Variants in CALD1 observed in about 807,000 individuals in gnomAD.
CALD1 encodes caldesmon.
Under a neutral mutation model 99.9 loss-of-function variants are expected in CALD1, and 33 were observed. The ratio of observed to expected loss-of-function variants is 0.33; its 90% CI spans 0.25 to 0.44. The LOEUF is 0.44. CALD1 is among the 20% of genes least tolerant of loss of function. The pLI is 1.00. For missense variants in CALD1, 861 were observed against 962.1 expected (o/e 0.89, Z 1.39); for synonymous variants, 310 against 325.0 (o/e 0.95, Z 0.50).
upstream of CALD1, among the ~76,000 whole-genome samples, chr7:134,779,182 C>G (rs1797008528): frequency 6.6e-6 from 1 of 152,194 alleles, no homozygotes; most frequent in Non-Finnish European, 1.5e-5. Context: ...CCCCCACGCC[C>G]AATAAACTGA....
intron 3 of CALD1, among the ~76,000 whole-genome samples, chr7:134,901,439 C>A (rs987776500): frequency 4.6e-5 from 7 of 151,986 alleles, no homozygotes; most frequent in Non-Finnish European, 8.8e-5. Flanking sequence ...AATGGGGGAA[C>A]GTAGGTGTTT....
the CALD1 span, among the ~76,000 whole-genome samples, chr7:134,721,690 A>G: frequency 1.3e-5 from 2 of 152,086 alleles, no homozygotes; most frequent in African/African-American, 4.8e-5. Flanking sequence ...CAGGCCAGTT[A>G]TTCCACCCTT....
At chr7:134,917,344 TA>T (rs934490033) in intron 3 of CALD1, among the ~76,000 whole-genome samples, 14 of 152,214 alleles carry the variant, frequency 9.2e-5, no homozygotes, top group African/African-American at 3.1e-4. Context: ...CATATTTATT[TA>T]AAAAAAATTT....
chr7:134,955,095 G>T (rs964259524), intron 9 of CALD1, among the ~76,000 whole-genome samples: 10 of 152,024 alleles, frequency 6.6e-5, no homozygotes, highest in Admixed American at 1.3e-4. Context: ...GTTCCTTAAA[G>T]AATAAGACCT....
At chr7:134,744,325 A>C (rs1216209573) in exon 1 of CALD1, 1 of 152,156 alleles carries the variant, frequency 6.6e-6, no homozygotes, top group African/African-American at 2.4e-5. Flanking sequence ...CTACCTCTAG[A>C]TGTCTCTGAT....
Position 134,958,060 on chromosome 7 carries a change from A to C in CALD1, c.1936-9A>C. On this transcript the variant is annotated splice_polypyrimidine_tract_variant and intron_variant, in intron 9 of 14. Transcript: ENST00000361675. The stretch of plus-strand genomic sequence containing the variant: ...ATTAATTGGGTTTATTTTCTTTTGT[A>C]ATTCCTAGATAGAAGAGCGAGCAGA... The C allele has an allele frequency of 6.3e-7, 1 of 1,591,946 alleles. No individual in the cohort carries two copies. The highest frequency in any genetic ancestry group is 1.3e-5 in the African/African-American group (1 of 74,554).
At chr7:134,882,054 T>C (rs1239047437) in intron 3 of CALD1, among the ~76,000 whole-genome samples, 2 of 152,220 alleles carry the variant, frequency 1.3e-5, no homozygotes, top group African/African-American at 2.4e-5. Flanking sequence ...CTCCACCAAA[T>C]TGAAAGCAAC....
chr7:134,733,487 C>T, the CALD1 span, among the ~76,000 whole-genome samples: 1 of 152,190 alleles, frequency 6.6e-6, no homozygotes, highest in Non-Finnish European at 1.5e-5. Context: ...TTTTATCCCC[C>T]ACAACAATAC....
chr7:134,795,083 G>A (rs558049405), intron 1 of CALD1, among the ~76,000 whole-genome samples: 20 of 152,154 alleles, frequency 1.3e-4, no homozygotes, highest in African/African-American at 3.6e-4. Context: ...AGCTGCTCTC[G>A]TCTTTTTTAT....
At chr7:134,826,474 A>G (rs1006455100) in intron 1 of CALD1, among the ~76,000 whole-genome samples, 4 of 152,286 alleles carry the variant, frequency 2.6e-5, no homozygotes, top group African/African-American at 9.6e-5. Flanking sequence ...TTTCTAGTCC[A>G]TTCTTCAACT....
At chr7:134,750,988 A>G (rs1413116450) in intron 1 of CALD1, among the ~76,000 whole-genome samples, 2 of 152,190 alleles carry the variant, frequency 1.3e-5, no homozygotes, top group African/African-American at 4.8e-5. Flanking sequence ...ACTGTATTTT[A>G]ATCTGAAGCC....
At chr7:134,918,366 G>C (rs1268594845) in intron 3 of CALD1, among the ~76,000 whole-genome samples, 1 of 152,146 alleles carries the variant, frequency 6.6e-6, no homozygotes, top group Non-Finnish European at 1.5e-5. Flanking sequence ...CTCATCTGTT[G>C]TTATAAACTA....
At chr7:134,786,295 A>G (rs1296340938) in intron 1 of CALD1, among the ~76,000 whole-genome samples, 2 of 152,250 alleles carry the variant, frequency 1.3e-5, no homozygotes, top group African/African-American at 4.8e-5. Flanking sequence ...ATACATTATA[A>G]TGATAAAATG....
At chr7:134,885,899 C>A (rs1377883197) in intron 3 of CALD1, among the ~76,000 whole-genome samples, 1 of 151,606 alleles carries the variant, frequency 6.6e-6, no homozygotes, top group African/African-American at 2.4e-5. Context: ...TGTGCACCAG[C>A]CACCATTCAT....
the CALD1 span, among the ~76,000 whole-genome samples, chr7:134,717,721 T>C: frequency 6.6e-6 from 1 of 152,224 alleles, no homozygotes; most frequent in Non-Finnish European, 1.5e-5. Flanking sequence ...GAAGGCACAA[T>C]TATTATAACC....
chr7:134,885,601 G>C (rs1563067522), intron 3 of CALD1, among the ~76,000 whole-genome samples: 3 of 152,188 alleles, frequency 2.0e-5, no homozygotes, highest in South Asian at 2.1e-4. Context: ...CTTTGAACAA[G>C]AGTGGTACAC....
chr7:134,946,213 T>C (rs890499255), intron 7 of CALD1, among the ~76,000 whole-genome samples: 3 of 152,078 alleles, frequency 2.0e-5, no homozygotes, highest in African/African-American at 7.2e-5. Context: ...ATCAGTATGA[T>C]ATCATACTGA....
chr7:134,774,480 T>C (rs542764929), intron 1 of CALD1, among the ~76,000 whole-genome samples: 6 of 152,334 alleles, frequency 3.9e-5, no homozygotes, highest in Admixed American at 2.0e-4. Flanking sequence ...CTGGTTCCTC[T>C]GAGCCCAGCA....
the CALD1 span, among the ~76,000 whole-genome samples, chr7:134,736,249 T>A: frequency 3.3e-5 from 5 of 152,226 alleles, no homozygotes; most frequent in Non-Finnish European, 7.3e-5. Context: ...AAGTGTATTA[T>A]AACTGAACAT....
Sources: allele counts gnomAD v4.1 joint callset (sites outside exome capture counted in the v4.1 genomes callset), GRCh38; gene constraint gnomAD v4.1.1; transcripts MANE v1.5; gene names NCBI Gene and HGNC (gene_info 2026-07-23, HGNC 2026-07-21).